GSG1L: variants seen among roughly 807,000 people sequenced by gnomAD.
The protein encoded by GSG1L is germ cell-specific gene 1-like protein.
GSG1L carries 24 observed loss-of-function variants against 42.1 expected under a neutral mutation model. The observed-to-expected ratio is 0.57, with a 90% CI of 0.41 to 0.80. The LOEUF is 0.80. Among genes scored for constraint, GSG1L ranks in the 30% least tolerant of loss-of-function variants. The pLI is 0.00. For missense variants in GSG1L, 445 were observed against 472.2 expected (o/e 0.94, Z 0.53); for synonymous variants, 215 against 203.5 (o/e 1.06, Z -0.48).
At chr16:28,046,544 G>A (rs1334477179) in intron 1 of GSG1L, among the ~76,000 whole-genome samples, 3 of 151,732 alleles carry the variant, frequency 2.0e-5, no homozygotes, top group Admixed American at 6.6e-5. Flanking sequence ...TAGTAGAGAC[G>A]GGGGTTTCAC....
At chr16:27,899,946 G>T (rs1294403491) in intron 2 of GSG1L, among the ~76,000 whole-genome samples, 2 of 152,184 alleles carry the variant, frequency 1.3e-5, no homozygotes, top group East Asian at 3.9e-4. Flanking sequence ...CATTTGCCCA[G>T]GATCTCAAGA....
intron 2 of GSG1L, among the ~76,000 whole-genome samples, chr16:27,961,663 G>C (rs977262817): frequency 6.6e-6 from 1 of 152,234 alleles, no homozygotes; most frequent in Admixed American, 6.5e-5. Context: ...TATCAGCCAT[G>C]CAGTGGTCAT....
chr16:27,831,617 G>A (rs1386720161), intron 4 of GSG1L, among the ~76,000 whole-genome samples: 1 of 152,118 alleles, frequency 6.6e-6, no homozygotes, highest in African/African-American at 2.4e-5. Flanking sequence ...GTGTGTGGAG[G>A]GAACTTCCCT....
intron 1 of GSG1L, among the ~76,000 whole-genome samples, chr16:28,008,496 C>A (rs1448977281): frequency 3.9e-5 from 6 of 152,236 alleles, no homozygotes; most frequent in African/African-American, 1.4e-4. Flanking sequence ...CTGCCTCCAT[C>A]ATCAGCCACT....
chr16:27,894,955 G>C (rs1280697515), intron 2 of GSG1L, among the ~76,000 whole-genome samples: 1 of 152,158 alleles, frequency 6.6e-6, no homozygotes, highest in Non-Finnish European at 1.5e-5. Flanking sequence ...CTGGAAGAGA[G>C]AACTACAGTG....
At chr16:28,012,350 C>T (rs2085730211) in intron 1 of GSG1L, among the ~76,000 whole-genome samples, 1 of 152,124 alleles carries the variant, frequency 6.6e-6, no homozygotes, top group Non-Finnish European at 1.5e-5. Context: ...AGCCCAAAAT[C>T]CCAATGCTGA....
At chr16:27,909,955 C>CTTTTTTTTTTTTTT (rs67729209) in intron 2 of GSG1L, among the ~76,000 whole-genome samples, 1 of 129,926 alleles carries the variant, frequency 7.7e-6, no homozygotes, top group Non-Finnish European at 1.7e-5. Context: ...TCTTTTCTTT[C>CTTTTTTTTTTTTTT]TTTTTTTTTT....
intron 5 of GSG1L, among the ~76,000 whole-genome samples, chr16:27,823,523 C>G (rs1448361283): frequency 1.3e-5 from 2 of 152,138 alleles, no homozygotes; most frequent in African/African-American, 4.8e-5. Flanking sequence ...CCCCGCAGGG[C>G]ACTACCTTGT....
At chr16:27,890,377 C>T (rs963103485) in intron 2 of GSG1L, among the ~76,000 whole-genome samples, 1 of 152,076 alleles carries the variant, frequency 6.6e-6, no homozygotes, top group African/African-American at 2.4e-5. Flanking sequence ...AGTTCAGGGG[C>T]AGGTGAGGGG....
In GSG1L at chr16:27,905,028, T is replaced by C. The variant is rs529744360; in HGVS notation, c.398-20390A>G. On this transcript the variant is annotated intron_variant, in intron 2 of 6. Transcript: ENST00000447459. ...TACATGAAATTTCATTTTGAAAAAA[T>C]AATGAATTCAAATCTTTTCAAACAC... 1.3e-5 allele frequency among the ~76,000 whole-genome samples: 2 copies of C among 152,206 alleles called. 1 individual carries two copies. Among genetic ancestry groups the C allele is most frequent in the South Asian group, 4.1e-4 (2 of 4,822 alleles).
At chr16:27,926,161 G>A (rs896808497) in intron 2 of GSG1L, among the ~76,000 whole-genome samples, 1 of 152,232 alleles carries the variant, frequency 6.6e-6, no homozygotes, top group African/African-American at 2.4e-5. Flanking sequence ...TGCAGGGCAT[G>A]AGAAGTCATC....
At chr16:27,868,847 C>T (rs145471380) in intron 3 of GSG1L, among the ~76,000 whole-genome samples, 1 of 152,242 alleles carries the variant, frequency 6.6e-6, no homozygotes, top group East Asian at 1.9e-4. Context: ...TGCAATATCC[C>T]CAGCTCGCTC....
chr16:27,973,039 A>G (rs1169368282), intron 1 of GSG1L, among the ~76,000 whole-genome samples: 1 of 152,148 alleles, frequency 6.6e-6, no homozygotes, highest in Non-Finnish European at 1.5e-5. Context: ...CTGCCATGTG[A>G]GTCCTCCCAT....
At chr16:27,825,290 CATAGGT>C (rs1303677324) in intron 5 of GSG1L, among the ~76,000 whole-genome samples, 5 of 152,188 alleles carry the variant, frequency 3.3e-5, no homozygotes, top group Non-Finnish European at 7.3e-5. Context: ...AACAAGACGG[CATAGGT>C]CTTCTATCCC....
intron 2 of GSG1L, among the ~76,000 whole-genome samples, chr16:27,915,317 G>A (rs934539289): frequency 6.6e-6 from 1 of 152,132 alleles, no homozygotes. Flanking sequence ...GGGAGTCTGT[G>A]ATTTAGGGGA....
intron 1 of GSG1L, among the ~76,000 whole-genome samples, chr16:28,011,706 G>T (rs1014128299): frequency 6.6e-6 from 1 of 152,190 alleles, no homozygotes; most frequent in African/African-American, 2.4e-5. Context: ...GTGGACCAGG[G>T]CAGTGCCTTG....
At position 27,826,585 on chromosome 16, in the gene GSG1L, C is replaced by T. The variant is rs974908679; in HGVS notation, c.830+2204G>A. Among the ~76,000 whole-genome samples the T allele has an allele frequency of 2.0e-5, 3 of 152,092 alleles. No individual in the cohort carries two copies. The South Asian group carries it at 6.2e-4, about 32-fold the overall frequency. On this transcript the variant is annotated intron_variant, in intron 5 of 6. Coordinates refer to ENST00000447459, the MANE Select transcript of GSG1L (RefSeq NM_001109763.2). The stretch of plus-strand genomic sequence containing the variant: ...GAAGGGAAGTGCGACAGGGAAGGGA[C>T]GGAGCCAGCAGAGGATGTGATAAAG...
At chr16:27,960,470 C>T (rs1230519817) in intron 2 of GSG1L, among the ~76,000 whole-genome samples, 1 of 152,166 alleles carries the variant, frequency 6.6e-6, no homozygotes, top group Non-Finnish European at 1.5e-5. Context: ...GGAGGGATGT[C>T]CCAGAGGGAG....
intron 1 of GSG1L, among the ~76,000 whole-genome samples, chr16:28,003,489 C>T (rs1286778632): frequency 8.5e-5 from 13 of 152,172 alleles, no homozygotes. Context: ...TCCCAGAGTC[C>T]TCCAAACTCC....
Sources: allele counts gnomAD v4.1 joint callset (sites outside exome capture counted in the v4.1 genomes callset), GRCh38; gene constraint gnomAD v4.1.1; transcripts MANE v1.5; gene names NCBI Gene and HGNC (gene_info 2026-07-23, HGNC 2026-07-21).